The following FLRT2 variants were observed in gnomAD, a reference collection of about 807,000 sequenced individuals.
FLRT2 encodes the protein fibronectin leucine rich transmembrane protein 2.
A neutral mutation model predicts 40.0 loss-of-function variants in FLRT2; 15 were observed. The ratio of observed to expected loss-of-function variants is 0.38; its 90% confidence interval spans 0.25 to 0.58. FLRT2 has a LOEUF of 0.58. FLRT2 is among the 20% of genes least tolerant of loss of function. The pLI is 0.71. For synonymous variants in FLRT2, 380 were observed against 336.8 expected (o/e 1.13, Z -1.41); for missense variants, 726 against 840.0 (o/e 0.86, Z 1.68).
In FLRT2 at chr14:85,619,906, G is replaced by T. The variant is rs559553610; in HGVS notation, c.-376-1233G>T. On this transcript the variant is annotated intron_variant, in intron 1 of 1. Transcript: ENST00000330753. ...TGTGTCTTCTGTCATTTCGAAATTTGCTAAAAGACCTCCTATAAAAGCAGG... is the reference window on the plus strand; with the variant it reads ...TGTGTCTTCTGTCATTTCGAAATTTTCTAAAAGACCTCCTATAAAAGCAGG... 2.0e-5 allele frequency among the ~76,000 whole-genome samples: 3 copies of T among 152,304 alleles called. No homozygotes were observed. In the East Asian group the frequency reaches 5.8e-4, roughly 29 times the overall value.
In FLRT2 at chr14:85,638,450, T is replaced by C. The variant is rs920349482; in HGVS notation, c.*14953T>C. 1 of 152,342 alleles carries C rather than the reference T, an allele frequency of 6.6e-6. No individual in the cohort carries two copies. The highest frequency in any genetic ancestry group is 2.4e-5 in the African/African-American group (1 of 41,414). 9.4% of individuals were successfully genotyped at this position (152,342 alleles called of 1,614,324 possible). ...GGCTCAGTTTAGGCTTCCCTTGAGA[T>C]TTCATCATGGCTTTACTTCTCCCTC... is the stretch of plus-strand genomic sequence containing the variant. On this transcript the variant is annotated 3_prime_UTR_variant, in exon 2 of 2. Coordinates refer to ENST00000330753, the MANE Select transcript of FLRT2 (RefSeq NM_013231.6).
chr14:85,604,868 A>G (rs1892537516), intron 1 of FLRT2, among the ~76,000 whole-genome samples: 1 of 152,110 alleles, frequency 6.6e-6, no homozygotes, highest in Non-Finnish European at 1.5e-5. Context: ...GGGGGTTAGG[A>G]AGGAAAATAG....
intron 1 of FLRT2, among the ~76,000 whole-genome samples, chr14:85,562,120 A>C (rs2235960): frequency 0.22 from 33,535 of 152,108 alleles, 4,116 homozygotes; most frequent in East Asian, 0.3. Flanking sequence ...CAGTTTTTAC[A>C]CTTTAAAGCT....
At chr14:85,547,098 C>T (rs10137902) in intron 1 of FLRT2, among the ~76,000 whole-genome samples, 8,995 of 152,016 alleles carry the variant, frequency 0.059, 697 homozygotes, top group African/African-American at 0.18. Context: ...ATTACTCTTC[C>T]TCATTCTTGT....
intron 1 of FLRT2, among the ~76,000 whole-genome samples, chr14:85,612,749 T>C (rs1389836355): frequency 6.6e-6 from 1 of 152,220 alleles, no homozygotes; most frequent in African/African-American, 2.4e-5. Context: ...GAGGAAATTT[T>C]ATACCATTTA....
Position 85,648,142 on chromosome 14 carries a change from T to G in FLRT2, c.*24645T>G, listed in dbSNP as rs1393980237. 6.6e-6 allele frequency: 1 copy of G among 152,154 alleles called. No individual in the cohort carries two copies. Among genetic ancestry groups the G allele is most frequent in the Non-Finnish European group, 1.5e-5 (1 of 68,026 alleles). The allele number at this position is 152,154 out of a possible 1,614,324, so 9.4% of individuals were successfully genotyped here. The stretch of plus-strand genomic sequence containing the variant: ...TATAGATTCAGTGACTAACAAAATT[T>G]GGGGACAGTGTAAGCCTCATTCTAA... On this transcript the variant is annotated 3_prime_UTR_variant, in exon 2 of 2. Transcript: ENST00000330753.
chr14:85,593,557 A>G (rs1257488986), intron 1 of FLRT2, among the ~76,000 whole-genome samples: 2 of 152,142 alleles, frequency 1.3e-5, no homozygotes, highest in Non-Finnish European at 2.9e-5. Context: ...ATAAGAACCA[A>G]GGTATTGTTG....
intron 1 of FLRT2, among the ~76,000 whole-genome samples, chr14:85,583,399 C>G (rs1891476173): frequency 6.6e-6 from 1 of 152,128 alleles, no homozygotes; most frequent in Non-Finnish European, 1.5e-5. Flanking sequence ...CCAGATTTTT[C>G]CTAGTTGTAG....
chr14:85,568,722 C>T (rs1890749264), intron 1 of FLRT2, among the ~76,000 whole-genome samples: 1 of 152,190 alleles, frequency 6.6e-6, no homozygotes, highest in Non-Finnish European at 1.5e-5. Flanking sequence ...TGGAGCCCAA[C>T]CTTGGCTGCT....
intron 1 of FLRT2, among the ~76,000 whole-genome samples, chr14:85,616,532 T>A (rs1893141882): frequency 6.6e-6 from 1 of 152,300 alleles, no homozygotes; most frequent in Middle Eastern, 3.4e-3. Context: ...TTTCCTTCTC[T>A]CAGTTGAGCT....
At position 85,570,881 on chromosome 14, in the gene FLRT2, G is replaced by C. The variant is rs956434409; in HGVS notation, c.-377+40347G>C. On this transcript the variant is annotated intron_variant, in intron 1 of 1. Coordinates refer to ENST00000330753, the MANE Select transcript of FLRT2 (RefSeq NM_013231.6). The stretch of plus-strand genomic sequence containing the variant: ...ATTACAGGCGTGAGCCACCACGCCC[G>C]GCCAAATTCCCCTTATTTTTTAAAA... 4.8e-5 allele frequency among the ~76,000 whole-genome samples: 7 copies of C among 144,808 alleles called. No individual in the cohort carries two copies. The East Asian group carries it at 1.4e-3, about 30-fold the overall frequency. 95.0% of individuals were successfully genotyped at this position (144,808 alleles called of 152,430 possible).
chr14:85,606,150 G>A (rs1471577154), intron 1 of FLRT2, among the ~76,000 whole-genome samples: 2 of 152,058 alleles, frequency 1.3e-5, no homozygotes, highest in East Asian at 3.9e-4. Context: ...AGGTATAAGT[G>A]GCATCACATA....
intron 1 of FLRT2, chr14:85,531,349 C>G (rs887484482): frequency 6.6e-6 from 1 of 152,506 alleles, no homozygotes; most frequent in African/African-American, 2.4e-5. Context: ...TACCAAGTCT[C>G]TCCACAGGCT....
rs966148174 is a variant in FLRT2, at chr14:85,639,923, A to G, written c.*16426A>G. On this transcript the variant is annotated 3_prime_UTR_variant, in exon 2 of 2. Coordinates refer to ENST00000330753, the MANE Select transcript of FLRT2 (RefSeq NM_013231.6). ...GAGTGCAGCGGCGTGATCTCGACTC[A>G]CTGCAAGCTCCGCCTTCCGAGTTCA... 8 of 132,730 alleles carry G rather than the reference A, an allele frequency of 6.0e-5. No homozygotes were observed. The highest frequency in any genetic ancestry group is 1.2e-4 in the Non-Finnish European group (8 of 65,268). The allele number at this position is 132,730 out of a possible 1,614,324, so 8.2% of individuals were successfully genotyped here. A position where few individuals can be genotyped will look rare whatever the true frequency, so the allele number is the denominator to read the frequency against.
chr14:85,533,234 G>C (rs1391317638), intron 1 of FLRT2, among the ~76,000 whole-genome samples: 1 of 152,032 alleles, frequency 6.6e-6, no homozygotes, highest in Non-Finnish European at 1.5e-5. Flanking sequence ...GAGGAGCGCG[G>C]GAGCTGCGGA....
Position 85,654,044 on chromosome 14 carries a change from G to A in FLRT2, c.*30547G>A, listed in dbSNP as rs769956950. ...ATGTATGGTCTTGTTTTTTGAGGTC[G>A]TCTGATGAAATCAGAATGATTTCAC... On this transcript the variant is annotated 3_prime_UTR_variant, in exon 2 of 2. Coordinates refer to ENST00000330753, the MANE Select transcript of FLRT2 (RefSeq NM_013231.6). 6 of 152,068 alleles carry A rather than the reference G, an allele frequency of 3.9e-5. No individual in the cohort carries two copies. Among genetic ancestry groups the A allele is most frequent in the African/African-American group, 9.7e-5 (4 of 41,428 alleles). 9.4% of individuals were successfully genotyped at this position (152,068 alleles called of 1,614,324 possible).
At chr14:85,605,869 A>G (rs1892586134) in intron 1 of FLRT2, among the ~76,000 whole-genome samples, 2 of 152,212 alleles carry the variant, frequency 1.3e-5, no homozygotes, top group Non-Finnish European at 2.9e-5. Context: ...TTTCATCTAT[A>G]TATTTCCATA....
intron 1 of FLRT2, among the ~76,000 whole-genome samples, chr14:85,556,044 A>G (rs1217891638): frequency 6.6e-6 from 1 of 152,254 alleles, no homozygotes; most frequent in African/African-American, 2.4e-5. Context: ...TAAGAAATTT[A>G]CCATTAAGTT....
rs1433327983 is a variant in FLRT2 at position 85,641,632 on chromosome 14, A to G, written c.*18135A>G. The stretch of plus-strand genomic sequence containing the variant: ...TCCAATTCATTCCCTGATTTTGTGC[A>G]CACCTAATACTTATATTAAATACCT... On this transcript the variant is annotated 3_prime_UTR_variant, in exon 2 of 2. Coordinates refer to ENST00000330753, the MANE Select transcript of FLRT2 (RefSeq NM_013231.6). 1 of 152,220 alleles carries G rather than the reference A, an allele frequency of 6.6e-6. No individual in the cohort carries two copies. The highest frequency in any genetic ancestry group is 2.4e-5 in the African/African-American group (1 of 41,460). The allele number at this position is 152,220 out of a possible 1,614,324, so 9.4% of individuals were successfully genotyped here.
Sources: gnomAD v4.1 joint callset for allele counts (sites outside exome capture counted in the v4.1 genomes callset) on GRCh38, gnomAD v4.1.1 for gene constraint, MANE v1.5 for transcripts, NCBI Gene and HGNC (gene_info 2026-07-23, HGNC 2026-07-21) for gene names.